LMBR1: variants seen among roughly 807,000 people sequenced by gnomAD.
LMBR1 encodes limb development membrane protein 1, also known as limb region 1 protein homolog.
LMBR1 carries 52 observed loss-of-function variants against 73.9 expected under a neutral mutation model. The observed-to-expected ratio is 0.70, with a 90% CI of 0.56 to 0.89. The LOEUF is 0.89. Ranked by LOEUF, LMBR1 falls within the 40% of genes least tolerant of loss-of-function variation. The probability of loss-of-function intolerance (pLI) is 0.00; values close to 1 mark genes in which losing one functional copy is unlikely to be tolerated. For missense variants in LMBR1, 539 were observed against 579.8 expected, an observed-to-expected ratio of 0.93 and a Z score of 0.72; for synonymous variants, 215 against 209.4, an observed-to-expected ratio of 1.03 and a Z score of -0.23.
At chr7:156,805,113 G>A (rs1157746957) in intron 4 of LMBR1, among the ~76,000 whole-genome samples, 1 of 151,574 alleles carries the variant, frequency 6.6e-6, no homozygotes, top group Admixed American at 6.6e-5. Context: ...AAATTCCCTT[G>A]GCACCTTTGT....
chr7:156,752,146 G>A (rs964271886), intron 9 of LMBR1, among the ~76,000 whole-genome samples: 4 of 152,174 alleles, frequency 2.6e-5, no homozygotes, highest in Admixed American at 6.5e-5. Context: ...AAGACATTTC[G>A]AGGAGGAAAG....
At chr7:156,749,645 T>A (rs1820465989) in intron 9 of LMBR1, among the ~76,000 whole-genome samples, 2 of 152,256 alleles carry the variant, frequency 1.3e-5, no homozygotes, top group African/African-American at 4.8e-5. Context: ...AACAATATAA[T>A]CTGTGCTTTT....
downstream of LMBR1, chr7:156,676,946 G>C: frequency 3.0e-6 from 1 of 333,818 alleles, no homozygotes; most frequent in Admixed American, 4.3e-5. Flanking sequence ...GATATAGCTA[G>C]TGTCTGAACG....
intron 1 of LMBR1, among the ~76,000 whole-genome samples, chr7:156,839,615 T>A (rs1249788575): frequency 6.6e-6 from 1 of 152,150 alleles, no homozygotes; most frequent in East Asian, 1.9e-4. Flanking sequence ...GCCATATGAC[T>A]GAGAACAACT....
intron 11 of LMBR1, among the ~76,000 whole-genome samples, chr7:156,728,230 A>T (rs1444626422): frequency 3.3e-5 from 5 of 152,350 alleles, no homozygotes; most frequent in African/African-American, 1.2e-4. Context: ...AGCTGGTAGT[A>T]TATAGATCCT....
At chr7:156,702,354 T>C (rs192613620) in intron 15 of LMBR1, among the ~76,000 whole-genome samples, 139 of 152,370 alleles carry the variant, frequency 9.1e-4, no homozygotes, top group African/African-American at 3.2e-3. Context: ...GTGGTTCTGA[T>C]TTGCATTTCT....
At chr7:156,853,901 C>T (rs1018607356) in intron 1 of LMBR1, among the ~76,000 whole-genome samples, 1 of 151,548 alleles carries the variant, frequency 6.6e-6, no homozygotes, top group African/African-American at 2.4e-5. Context: ...GTGATCCACC[C>T]ACCTCAGCCT....
At chr7:156,833,727 G>T (rs750552638) in intron 3 of LMBR1, 26 bp downstream of exon 3, 6 of 1,564,698 alleles carry the variant, frequency 3.8e-6, no homozygotes, top group Non-Finnish European at 4.4e-6. Flanking sequence ...ATCAGAAACA[G>T]AACAACTGAA....
At chr7:156,813,530 G>A (rs887551543) in intron 4 of LMBR1, among the ~76,000 whole-genome samples, 2 of 151,986 alleles carry the variant, frequency 1.3e-5, no homozygotes, top group Admixed American at 1.3e-4. Context: ...CTTACTAGAT[G>A]GAATACTGCT....
chr7:156,892,607 A>C, intron 1 of LMBR1: 11 of 222,450 alleles, frequency 4.9e-5, no homozygotes, highest in South Asian at 1.6e-4. Flanking sequence ...TCCCCGCGGG[A>C]AGGGAAGGGC....
intron 3 of LMBR1, among the ~76,000 whole-genome samples, chr7:156,833,108 G>C (rs1213428925): frequency 1.3e-5 from 2 of 152,094 alleles, no homozygotes; most frequent in African/African-American, 4.8e-5. Flanking sequence ...TAAACAGTTG[G>C]AGTAAAAAAA....
intron 14 of LMBR1, 61 bp from the exon 15 acceptor site, chr7:156,724,239 AG>A: frequency 2.4e-6 from 3 of 1,266,264 alleles, no homozygotes; most frequent in Non-Finnish European, 3.4e-6. Context: ...AATCAAACCC[AG>A]TAACATTCTG....
chr7:156,828,280 G>T (rs1251019666), intron 3 of LMBR1, among the ~76,000 whole-genome samples: 1 of 152,130 alleles, frequency 6.6e-6, no homozygotes, highest in Admixed American at 6.5e-5. Flanking sequence ...CCTCTGCACA[G>T]TCTACTCACT....
At chr7:156,746,043 A>AT (rs1302074839) in intron 9 of LMBR1, among the ~76,000 whole-genome samples, 3 of 152,242 alleles carry the variant, frequency 2.0e-5, no homozygotes, top group Non-Finnish European at 4.4e-5. Context: ...ATTAAGTTAC[A>AT]TAACGAATGA....
intron 4 of LMBR1, among the ~76,000 whole-genome samples, chr7:156,797,060 A>G (rs1472755285): frequency 6.6e-6 from 1 of 152,218 alleles, no homozygotes; most frequent in Non-Finnish European, 1.5e-5. Context: ...AGGCTATGCA[A>G]CTTGCCACAG....
intron 1 of LMBR1, among the ~76,000 whole-genome samples, chr7:156,845,656 T>A (rs1839465432): frequency 2.3e-5 from 2 of 87,146 alleles, no homozygotes; most frequent in East Asian, 1.1e-3. Context: ...GGGTTGAAAT[T>A]TTTTTTTTTA....
intron 15 of LMBR1, among the ~76,000 whole-genome samples, chr7:156,713,332 A>G (rs767799494): frequency 5.3e-5 from 8 of 152,096 alleles, no homozygotes; most frequent in Admixed American, 2.0e-4. Context: ...GACATTATAC[A>G]TTTGCCCAAA....
intron 1 of LMBR1, among the ~76,000 whole-genome samples, chr7:156,840,764 CCTGA>C (rs1838535784): frequency 6.6e-6 from 1 of 150,798 alleles, no homozygotes; most frequent in Non-Finnish European, 1.5e-5. Context: ...TCGAGACCAT[CCTGA>C]CTAACATGGT....
intron 1 of LMBR1, among the ~76,000 whole-genome samples, chr7:156,849,227 C>A (rs1357624617): frequency 6.6e-6 from 1 of 152,112 alleles, no homozygotes; most frequent in Non-Finnish European, 1.5e-5. Context: ...GGAGCTGGAG[C>A]TAGAGACCAT....
Sources: gnomAD v4.1 joint callset for allele counts (sites outside exome capture counted in the v4.1 genomes callset) on GRCh38, gnomAD v4.1.1 for gene constraint, MANE v1.5 for transcripts, NCBI Gene and HGNC (gene_info 2026-07-23, HGNC 2026-07-21) for gene names.